CTC1: variants seen among roughly 807,000 people sequenced by gnomAD.
The protein encoded by CTC1 is CST complex subunit CTC1.
CTC1 carries 91 observed loss-of-function variants against 136.3 expected under a neutral mutation model. The ratio of observed to expected loss-of-function variants is 0.67; its 90% CI spans 0.56 to 0.79. The LOEUF is 0.79. Ranked by LOEUF, CTC1 falls within the 30% of genes least tolerant of loss-of-function variation. CTC1 has a pLI of 0.00. For missense variants in CTC1, 1,432 were observed against 1,498.1 expected, an observed-to-expected ratio of 0.96 and a Z score of 0.73; for synonymous variants, 606 against 613.8, an observed-to-expected ratio of 0.99 and a Z score of 0.19.
At position 8,228,776 on chromosome 17, in the gene CTC1, A is replaced by G. The variant is rs2151498640; in HGVS notation, c.3338T>C (p.Val1113Ala). The G allele has an allele frequency of 6.2e-7, 1 of 1,614,146 alleles. No homozygotes were observed. The highest frequency in any genetic ancestry group is 8.5e-7 in the Non-Finnish European group (1 of 1,180,006). Residue 1113 changes from valine to alanine, a missense_variant, in exon 21 of 23, where the codon GTG (valine) becomes GCG (alanine). Coordinates refer to ENST00000651323, the MANE Select transcript of CTC1 (RefSeq NM_025099.6). ...AAACTGCAAGACCACTCTGCCTGGCACTTGGACGAAATCTAGGAGGGAGGC... is the reference window on the plus strand; with the variant it reads ...AAACTGCAAGACCACTCTGCCTGGCGCTTGGACGAAATCTAGGAGGGAGGC... ...EWASLLDFVQ[V>A]PGRVVLQFAG...
At position 8,226,236 on chromosome 17, in the gene CTC1, G is replaced by T. The variant is rs976738676; in HGVS notation, c.*1944C>A. ...AATCACGCTGTTTCAATTGAATAAAGGCACCGCTGGGATTCGAACCCAGGA... is the reference window on the plus strand; with the variant it reads ...AATCACGCTGTTTCAATTGAATAAATGCACCGCTGGGATTCGAACCCAGGA... On this transcript the variant is annotated 3_prime_UTR_variant, in exon 23 of 23. Transcript: ENST00000651323. 1 of 152,242 alleles carries T rather than the reference G, an allele frequency of 6.6e-6. No individual in the cohort carries two copies. Among genetic ancestry groups the T allele is most frequent in the South Asian group, 2.1e-4 (1 of 4,828 alleles). 9.4% of individuals were successfully genotyped at this position (152,242 alleles called of 1,614,324 possible).
chr17:8,231,387 G>C lies in CTC1; in HGVS notation c.2558C>G (p.Thr853Ser). The C allele has an allele frequency of 6.2e-7, 1 of 1,613,728 alleles. No homozygotes were observed. Among genetic ancestry groups the C allele is most frequent in the Non-Finnish European group, 8.5e-7 (1 of 1,179,640 alleles). The stretch of plus-strand genomic sequence containing the variant: ...CTCCAGAGTCCAGTTGTCCTGGACA[G>C]TGAGGCAGGATGCACAGCCAGCCAA... ...LELAGCASCL[T>S]VQDNWTLELE... is the part of the protein sequence containing the mutation. Residue 853 changes from threonine to serine, a missense_variant, in exon 15 of 23, where the codon ACT (threonine) becomes AGT (serine). Physicochemically the swap from Thr to Ser is moderately conservative, Grantham distance 58 (BLOSUM62 1). Coordinates refer to ENST00000651323, the MANE Select transcript of CTC1 (RefSeq NM_025099.6).
chr17:8,229,043 A>G, intron 20 of CTC1, 99 bp downstream of exon 20: 1 of 1,487,248 alleles, frequency 6.7e-7, no homozygotes, highest in Non-Finnish European at 9.2e-7. Context: ...ATATTAAGCA[A>G]TTCTCATGAG....
intron 1 of CTC1, 55 bp downstream of exon 1, chr17:8,247,949 G>C: frequency 6.4e-7 from 1 of 1,553,930 alleles, no homozygotes; most frequent in Non-Finnish European, 8.8e-7. Flanking sequence ...GGAAGAGAAA[G>C]AGTATCTGTG....
intron 1 of CTC1, among the ~76,000 whole-genome samples, chr17:8,244,583 T>C (rs1988527646): frequency 6.6e-6 from 1 of 151,862 alleles, no homozygotes; most frequent in Non-Finnish European, 1.5e-5. Flanking sequence ...TGGAGTGCAA[T>C]GGCGCAATCT....
In CTC1 at chr17:8,231,907, T is replaced by C. The variant is rs1257247949; in HGVS notation, c.2381A>G (p.Gln794Arg). The change falls in exon 13 of 23, where the codon CAG (glutamine) becomes CGG (arginine). Residue 794 changes from glutamine (Q) to arginine (R), a missense_variant. Coordinates refer to ENST00000651323, the MANE Select transcript of CTC1 (RefSeq NM_025099.6). ...PEPQGNDDNDQKVHLIFFGSS... is the reference protein window; with the variant it reads ...PEPQGNDDNDRKVHLIFFGSS... ...GTCCCTGGAGTCCCAGTTTACCTTC[T>C]GATCATTGTCGTCATTTCCCTGGGG... 1 of 1,613,754 alleles carries C rather than the reference T, an allele frequency of 6.2e-7. No homozygotes were observed. The highest frequency in any genetic ancestry group is 2.2e-5 in the East Asian group (1 of 44,882).
Position 8,237,419 on chromosome 17 carries a change from C to T in CTC1, c.748G>A (p.Gly250Ser). The T allele has an allele frequency of 6.2e-7, 1 of 1,614,044 alleles. No individual in the cohort carries two copies. Among genetic ancestry groups the T allele is most frequent in the South Asian group, 1.1e-5 (1 of 91,082 alleles). Residue 250 changes from glycine (G) to serine (S), a missense_variant, in exon 5 of 23, where the codon GGT (glycine) becomes AGT (serine). Coordinates refer to ENST00000651323, the MANE Select transcript of CTC1 (RefSeq NM_025099.6). Reference protein sequence around the residue: ...KQKAYFILSLGRSHPAVTHVS... With the variant: ...KQKAYFILSLSRSHPAVTHVS... ...TGGGTGACAGCTGGGTGTGATCTAC[C>T]AAGAGACAGGATGAAGTAAGCTTTC...
chr17:8,242,543 AAAAAAAAAAAATATATATAT>A (rs1988330308), intron 2 of CTC1, among the ~76,000 whole-genome samples: 1 of 85,764 alleles, frequency 1.2e-5, no homozygotes, highest in African/African-American at 4.1e-5. Context: ...GAAAAAAAAA[AAAAAAAAAAAATATATATAT>A]ATATATATAT....
At position 8,246,500 on chromosome 17, in the gene CTC1, T is replaced by C. The variant is rs573881564; in HGVS notation, c.33+1504A>G. Among the ~76,000 whole-genome samples the C allele has an allele frequency of 7.2e-5, 11 of 152,328 alleles. No individual in the cohort carries two copies. In the East Asian group the frequency reaches 2.1e-3, roughly 29 times the overall value. On this transcript the variant is annotated intron_variant, in intron 1 of 22. Coordinates refer to ENST00000651323, the MANE Select transcript of CTC1 (RefSeq NM_025099.6). Reference sequence around the variant, plus strand: ...CTTTTCTAGAACTCTTCTAGTGTTATGTTCACTAACTTAGCAAATAGTACC... The same window carrying C: ...CTTTTCTAGAACTCTTCTAGTGTTACGTTCACTAACTTAGCAAATAGTACC...
chr17:8,228,715 G>A lies in CTC1; in HGVS notation c.3387+12C>T, dbSNP rs1986942107. 3 of 1,613,908 alleles carry A rather than the reference G, an allele frequency of 1.9e-6. No individual in the cohort carries two copies. Among genetic ancestry groups the A allele is most frequent in the Non-Finnish European group, 1.7e-6 (2 of 1,179,982 alleles). On this transcript the variant is annotated intron_variant, in intron 21 of 22. Transcript: ENST00000651323. ...TGGGTATCCGAGTCCCTCCCTCCCAGCCACATTACACCTCAAGTTGGGCTC... is the reference window on the plus strand; with the variant it reads ...TGGGTATCCGAGTCCCTCCCTCCCAACCACATTACACCTCAAGTTGGGCTC...
intron 2 of CTC1, among the ~76,000 whole-genome samples, chr17:8,242,730 A>G (rs1428371433): frequency 6.6e-6 from 1 of 151,618 alleles, no homozygotes; most frequent in Non-Finnish European, 1.5e-5. Flanking sequence ...CCACTTCGAG[A>G]GTTCTTTTTC....
At position 8,234,520 on chromosome 17, in the gene CTC1, G is replaced by A. The variant is rs952398755; in HGVS notation, c.1753C>T (p.Gln585Ter). Reference sequence around the variant, plus strand: ...GACCAAGCCAGGCGGCGATTGAGTTGGCAGCTGGGCAGGTAGGAGGCCTCC... The same window carrying A: ...GACCAAGCCAGGCGGCGATTGAGTTAGCAGCTGGGCAGGTAGGAGGCCTCC... ...LPEASYLPSC[Q>*]LNRRLAWSWL... The change falls in exon 10 of 23, where the codon CAA (glutamine) becomes TAA (stop). Residue 585 changes from glutamine to a stop codon, truncating the protein, a stop_gained. Coordinates refer to ENST00000651323, the MANE Select transcript of CTC1 (RefSeq NM_025099.6). LOFTEE classifies it high-confidence loss of function. The A allele has an allele frequency of 8.3e-6, 13 of 1,558,844 alleles. No individual in the cohort carries two copies. Among genetic ancestry groups the A allele is most frequent in the Non-Finnish European group, 1.1e-5 (13 of 1,150,618 alleles).
At chr17:8,232,703 G>A (rs1987350204) in intron 11 of CTC1, 3 of 726,796 alleles carry the variant, frequency 4.1e-6, no homozygotes, top group African/African-American at 3.5e-5. Flanking sequence ...GAGCTACGGT[G>A]GAGAAATGCA....
Position 8,234,649 on chromosome 17 carries a change from G to A in CTC1, c.1624C>T (p.Arg542Trp), listed in dbSNP as rs901245332. The change falls in exon 10 of 23, where the codon CGG becomes TGG. Residue 542 changes from arginine (R) to tryptophan (W), a missense_variant. Arg to Trp is a moderately radical substitution (Grantham distance 101). Transcript: ENST00000651323. ...GGGAAGGAGGAGGGAGTCTGCAGCC[G>A]AGTGTACTGTCAAGGAGGGAAGAGA... is the stretch of plus-strand genomic sequence containing the variant. The part of the protein sequence containing the change: ...PHHCPLQKYT[R>W]LQTPSSFPTL... The A allele has an allele frequency of 1.5e-5, 24 of 1,610,206 alleles. No homozygotes were observed. The highest frequency in any genetic ancestry group is 6.7e-5 in the African/African-American group (5 of 74,858).
chr17:8,233,662 G>T (rs147730533), intron 10 of CTC1, among the ~76,000 whole-genome samples: 1 of 152,192 alleles, frequency 6.6e-6, no homozygotes. Context: ...CCAGCTACTC[G>T]GGAGGCTGAG....
rs1986506271 is a variant in CTC1, at chr17:8,224,919, CT to C, written c.*3260del. The stretch of plus-strand genomic sequence containing the variant: ...GCGCGATCTCGGCTGACAACACCTC[CT>C]CCCCCCTCCAAGGTTGAAGCGATTC... On this transcript the variant is annotated 3_prime_UTR_variant, in exon 23 of 23. Transcript: ENST00000651323. 6.6e-6 allele frequency: 1 copy of C among 152,228 alleles called. No homozygotes were observed. The highest frequency in any genetic ancestry group is 1.5e-5 in the Non-Finnish European group (1 of 68,058). The allele number at this position is 152,228 out of a possible 1,614,324, so 9.4% of individuals were successfully genotyped here.
At chr17:8,231,600 C>G in intron 14 of CTC1, 126 bp downstream of exon 14, 1 of 1,217,110 alleles carries the variant, frequency 8.2e-7, no homozygotes, top group Non-Finnish European at 1.2e-6. Context: ...CACAGGCTTT[C>G]TGGTGTATCT....
At chr17:8,246,519 T>TAGTA (rs1167386273) in intron 1 of CTC1, among the ~76,000 whole-genome samples, 6 of 152,148 alleles carry the variant, frequency 3.9e-5, no homozygotes, top group Non-Finnish European at 8.8e-5. Flanking sequence ...ACTTAGCAAA[T>TAGTA]AGTACCCTTA....
chr17:8,234,522 C>T lies in CTC1; in HGVS notation c.1751G>A (p.Cys584Tyr). 1.3e-6 allele frequency: 2 copies of T among 1,559,340 alleles called. No homozygotes were observed. The highest frequency in any genetic ancestry group is 1.7e-6 in the Non-Finnish European group (2 of 1,150,880). The change falls in exon 10 of 23, where the codon TGC becomes TAC. Residue 584 changes from cysteine to tyrosine, a missense_variant. Cys to Tyr is a radical substitution (Grantham distance 194). Transcript: ENST00000651323. ...CCAAGCCAGGCGGCGATTGAGTTGG[C>T]AGCTGGGCAGGTAGGAGGCCTCCGG... ...PLPEASYLPS[C>Y]QLNRRLAWSW... is the part of the protein sequence containing the mutation.
Sources: allele counts gnomAD v4.1 joint callset (sites outside exome capture counted in the v4.1 genomes callset), GRCh38; gene constraint gnomAD v4.1.1; transcripts MANE v1.5; gene names NCBI Gene and HGNC (gene_info 2026-07-23, HGNC 2026-07-21).